The following TMCC3 variants were observed in gnomAD, a reference collection of about 807,000 sequenced individuals.
TMCC3 encodes transmembrane and coiled-coil domain protein 3.
A neutral mutation model predicts 40.2 loss-of-function variants in TMCC3; 28 were observed. The observed-to-expected ratio is 0.70, with a 90% CI of 0.52 to 0.95. The LOEUF is 0.95. Among genes scored for constraint, TMCC3 ranks in the 40% least tolerant of loss-of-function variants. The probability of loss-of-function intolerance (pLI) is 0.00; values close to 1 mark genes in which losing one functional copy is unlikely to be tolerated. For missense variants in TMCC3, 554 were observed against 615.2 expected (o/e 0.90, Z 1.05); for synonymous variants, 255 against 248.5 (o/e 1.03, Z -0.25).
intron 1 of TMCC3, among the ~76,000 whole-genome samples, chr12:94,648,163 G>C (rs1362312393): frequency 6.6e-6 from 1 of 152,148 alleles, no homozygotes; most frequent in Non-Finnish European, 1.5e-5. Flanking sequence ...TAAAAATCGG[G>C]TATCTCCATG....
intron 1 of TMCC3, among the ~76,000 whole-genome samples, chr12:94,630,600 G>A (rs1360544858): frequency 6.6e-6 from 1 of 152,148 alleles, no homozygotes; most frequent in Non-Finnish European, 1.5e-5. Flanking sequence ...GTGGAGCCTT[G>A]TCATAGTGCT....
At chr12:94,575,895 T>C (rs1023246553) in intron 3 of TMCC3, among the ~76,000 whole-genome samples, 6 of 152,126 alleles carry the variant, frequency 3.9e-5, no homozygotes, top group Admixed American at 3.9e-4. Context: ...AACTCCTCCC[T>C]CGTCGGCCTC....
At chr12:94,576,004 C>T (rs1164829701) in intron 3 of TMCC3, among the ~76,000 whole-genome samples, 2 of 152,110 alleles carry the variant, frequency 1.3e-5, no homozygotes, top group Non-Finnish European at 2.9e-5. Context: ...TCTTGAACTC[C>T]TGGCTTCAGA....
chr12:94,610,227 T>C (rs541847930), intron 1 of TMCC3, among the ~76,000 whole-genome samples: 3 of 152,326 alleles, frequency 2.0e-5, no homozygotes, highest in Non-Finnish European at 4.4e-5. Flanking sequence ...CCATAGAGTG[T>C]ATTTGCACTG....
At chr12:94,630,349 C>T (rs1004299341) in intron 1 of TMCC3, among the ~76,000 whole-genome samples, 8 of 151,964 alleles carry the variant, frequency 5.3e-5, no homozygotes, top group East Asian at 1.9e-4. Flanking sequence ...GGAGGTAGCT[C>T]GGGCCTACAT....
At chr12:94,603,607 C>T (rs1030883833) in intron 1 of TMCC3, among the ~76,000 whole-genome samples, 1 of 152,058 alleles carries the variant, frequency 6.6e-6, no homozygotes, top group Non-Finnish European at 1.5e-5. Flanking sequence ...AGAGTGGTTA[C>T]CCTTTGCGGG....
intron 1 of TMCC3, among the ~76,000 whole-genome samples, chr12:94,585,522 C>T (rs1481844026): frequency 6.6e-6 from 1 of 152,064 alleles, no homozygotes; most frequent in Admixed American, 6.6e-5. Context: ...CGGTGAAACC[C>T]TGTCTCTACT....
At chr12:94,595,370 T>C (rs1320406977) in intron 1 of TMCC3, among the ~76,000 whole-genome samples, 2 of 152,188 alleles carry the variant, frequency 1.3e-5, no homozygotes, top group African/African-American at 2.4e-5. Context: ...GCACTGCGAC[T>C]TCCCCATCCC....
intron 1 of TMCC3, among the ~76,000 whole-genome samples, chr12:94,607,004 A>G (rs2068787391): frequency 6.6e-6 from 1 of 152,212 alleles, no homozygotes; most frequent in South Asian, 2.1e-4. Context: ...GGTGTATTTC[A>G]GTCCTTATCT....
chr12:94,625,454 C>T lies in TMCC3; in HGVS notation c.78+24899G>A, dbSNP rs145419409. Among the ~76,000 whole-genome samples, 330 of 151,606 alleles carry T rather than the reference C, an allele frequency of 2.2e-3. 1 individual carries two copies. Among genetic ancestry groups the T allele is most frequent in the African/African-American group, 7.4e-3 (305 of 41,312 alleles). ...ACTAAAAATACAAAAATTAGCCAGGCGTGGTGGTGCACGCTTGTAGTCCCA... is the reference window on the plus strand; with the variant it reads ...ACTAAAAATACAAAAATTAGCCAGGTGTGGTGGTGCACGCTTGTAGTCCCA... On this transcript the variant is annotated intron_variant, in intron 1 of 3. Coordinates refer to ENST00000261226, the MANE Select transcript of TMCC3 (RefSeq NM_020698.4).
chr12:94,638,159 C>T (rs945865609), intron 1 of TMCC3, among the ~76,000 whole-genome samples: 3 of 152,158 alleles, frequency 2.0e-5, no homozygotes, highest in Admixed American at 2.0e-4. Context: ...AAAATATACA[C>T]TCAATGTAAA....
chr12:94,596,074 A>G (rs1259580031), intron 1 of TMCC3, among the ~76,000 whole-genome samples: 2 of 152,204 alleles, frequency 1.3e-5, no homozygotes, highest in African/African-American at 4.8e-5. Flanking sequence ...AATGTTCCCT[A>G]AAGTGTGAAA....
rs1206480918 is a variant in TMCC3 at position 94,571,047 on chromosome 12, A to G, written c.*388T>C. ...CATGCATATCCTTGCTTTTTATAGG[A>G]CTCACAGAAAACAACCATTAGCAAT... On this transcript the variant is annotated 3_prime_UTR_variant, in exon 4 of 4. Coordinates refer to ENST00000261226, the MANE Select transcript of TMCC3 (RefSeq NM_020698.4). 9.0e-6 allele frequency: 2 copies of G among 223,092 alleles called. No homozygotes were observed. Among genetic ancestry groups the G allele is most frequent in the Non-Finnish European group, 1.8e-5 (2 of 111,850 alleles). The allele number at this position is 223,092 out of a possible 1,614,324, so 13.8% of individuals were successfully genotyped here.
At chr12:94,625,313 C>T (rs1001708156) in intron 1 of TMCC3, among the ~76,000 whole-genome samples, 3 of 150,742 alleles carry the variant, frequency 2.0e-5, no homozygotes, top group Non-Finnish European at 4.4e-5. Context: ...ATGGGCTGGG[C>T]GTAGTGGCTC....
At chr12:94,585,763 C>A (rs2068635059) in intron 1 of TMCC3, among the ~76,000 whole-genome samples, 1 of 152,318 alleles carries the variant, frequency 6.6e-6, no homozygotes, top group East Asian at 1.9e-4. Flanking sequence ...CAGTGGAACA[C>A]CCCCTCTCCA....
At chr12:94,598,817 AAAT>A (rs1479864329) in intron 1 of TMCC3, 8 of 940,626 alleles carry the variant, frequency 8.5e-6, no homozygotes, top group Non-Finnish European at 1.0e-5. Context: ...AACGACAAAG[AAAT>A]AAAACAAATG....
In TMCC3 at chr12:94,582,083, G is replaced by C. The variant is rs573422329; in HGVS notation, c.534C>G (p.Pro178=). The change falls in exon 2 of 4, where the codon CCC becomes CCG. Residue 178 remains proline, a synonymous_variant. Transcript: ENST00000261226. Reference sequence around the variant, plus strand: ...CCGATTTGCTGCTCTCCATGCAATGGGGGGCAGTTCGAGATTTCACGTGGG... The same window carrying C: ...CCGATTTGCTGCTCTCCATGCAATGCGGGGCAGTTCGAGATTTCACGTGGG... The part of the protein sequence containing the change: ...KDAHVKSRTA[P]HCMESSKSGM... The C allele has an allele frequency of 5.0e-6, 8 of 1,614,166 alleles. No individual in the cohort carries two copies. Among genetic ancestry groups the C allele is most frequent in the Admixed American group, 1.7e-5 (1 of 60,018 alleles).
chr12:94,616,059 TGGA>T, intron 1 of TMCC3: 1 of 985,360 alleles, frequency 1.0e-6, no homozygotes, highest in African/African-American at 1.7e-5. Context: ...GCCTGGACTT[TGGA>T]GATACTGCTC....
At chr12:94,594,716 C>A (rs1326002177) in intron 1 of TMCC3, among the ~76,000 whole-genome samples, 2 of 152,208 alleles carry the variant, frequency 1.3e-5, no homozygotes. Context: ...AGAGGCCAAG[C>A]CTGGGAGCAG....
Sources: allele counts gnomAD v4.1 joint callset (sites outside exome capture counted in the v4.1 genomes callset), GRCh38; gene constraint gnomAD v4.1.1; transcripts MANE v1.5; gene names NCBI Gene and HGNC (gene_info 2026-07-23, HGNC 2026-07-21).